Variants in RSPO2 observed in about 807,000 individuals in gnomAD.
The protein encoded by RSPO2 is R-spondin 2.
RSPO2 carries 14 observed loss-of-function variants against 30.9 expected under a neutral mutation model. The ratio of observed to expected loss-of-function variants is 0.45; its 90% CI spans 0.30 to 0.71. The LOEUF is 0.71. Ranked by LOEUF, RSPO2 falls within the 30% of genes least tolerant of loss-of-function variation. RSPO2 has a pLI of 0.08. For synonymous variants in RSPO2, 107 were observed against 96.4 expected (o/e 1.11, Z -0.64); for missense variants, 264 against 301.9 (o/e 0.87, Z 0.93).
chr8:107,943,218 C>G (rs550748890), intron 5 of RSPO2, among the ~76,000 whole-genome samples: 3 of 152,050 alleles, frequency 2.0e-5, no homozygotes, highest in Non-Finnish European at 4.4e-5. Flanking sequence ...TGCGTGCGTG[C>G]GCGCGCACAC....
chr8:107,906,783 TTTTAG>T (rs1811662425), intron 5 of RSPO2, among the ~76,000 whole-genome samples: 2 of 151,984 alleles, frequency 1.3e-5, no homozygotes, highest in South Asian at 4.1e-4. Context: ...AACACATTTA[TTTTAG>T]TTGACAAATA....
intron 2 of RSPO2, among the ~76,000 whole-genome samples, chr8:108,060,204 GAGA>G (rs1370349459): frequency 6.6e-5 from 10 of 151,818 alleles, no homozygotes; most frequent in East Asian, 3.9e-4. Flanking sequence ...GACTAGTTGA[GAGA>G]AGAAGGCTTC....
chr8:108,009,624 A>C (rs1310564682), intron 2 of RSPO2, among the ~76,000 whole-genome samples: 1 of 152,236 alleles, frequency 6.6e-6, no homozygotes. Flanking sequence ...CAAATGCTCA[A>C]GTGGAATTCA....
intron 2 of RSPO2, among the ~76,000 whole-genome samples, chr8:107,996,692 T>G (rs1171408599): frequency 6.6e-6 from 1 of 152,066 alleles, no homozygotes; most frequent in Non-Finnish European, 1.5e-5. Flanking sequence ...GTAAGAAGTA[T>G]AGAGAAAAGA....
intron 2 of RSPO2, among the ~76,000 whole-genome samples, chr8:108,071,890 A>G (rs895760158): frequency 1.3e-5 from 2 of 152,178 alleles, no homozygotes; most frequent in Non-Finnish European, 2.9e-5. Flanking sequence ...ATGTCTGTTT[A>G]GGTATGGTAA....
intron 3 of RSPO2, among the ~76,000 whole-genome samples, chr8:107,968,128 G>C (rs1813873643): frequency 6.6e-6 from 1 of 152,090 alleles, no homozygotes. Context: ...ATATATCAAA[G>C]AGATATCTTC....
At chr8:107,973,810 G>A (rs1215336173) in intron 3 of RSPO2, among the ~76,000 whole-genome samples, 1 of 151,858 alleles carries the variant, frequency 6.6e-6, no homozygotes, top group African/African-American at 2.4e-5. Flanking sequence ...CTTCCTGTTT[G>A]CTCTTTACTC....
intron 2 of RSPO2, among the ~76,000 whole-genome samples, chr8:108,003,307 ATATATTTTTTTTTTTTT>A (rs1240819471): frequency 1.6e-3 from 35 of 21,862 alleles, no homozygotes; most frequent in Admixed American, 3.5e-3. Flanking sequence ...ATATATATAT[ATATATTTTTTTTTTTTT>A]TTTTTTTTTT....
chr8:107,926,982 TG>T (rs1347187906), intron 5 of RSPO2, among the ~76,000 whole-genome samples: 1 of 152,162 alleles, frequency 6.6e-6, no homozygotes, highest in Non-Finnish European at 1.5e-5. Flanking sequence ...TAAATTACCT[TG>T]GGCAGTATGG....
At chr8:107,981,662 T>G (rs2130502579) in intron 3 of RSPO2, among the ~76,000 whole-genome samples, 1 of 152,244 alleles carries the variant, frequency 6.6e-6, no homozygotes, top group South Asian at 2.1e-4. Context: ...TTGGATTTTC[T>G]TATATGTTAA....
At chr8:108,004,667 A>C (rs79202940) in intron 2 of RSPO2, among the ~76,000 whole-genome samples, 1 of 152,204 alleles carries the variant, frequency 6.6e-6, no homozygotes, top group African/African-American at 2.4e-5. Flanking sequence ...TGGCAAAACT[A>C]TATGTGTATG....
At chr8:107,920,895 G>T (rs1012327388) in intron 5 of RSPO2, among the ~76,000 whole-genome samples, 1 of 152,070 alleles carries the variant, frequency 6.6e-6, no homozygotes, top group South Asian at 2.1e-4. Flanking sequence ...AAGTGTTCAC[G>T]TATACATCTG....
intron 2 of RSPO2, among the ~76,000 whole-genome samples, chr8:108,000,739 T>C (rs1004029641): frequency 3.9e-5 from 6 of 151,968 alleles, no homozygotes; most frequent in Non-Finnish European, 7.4e-5. Flanking sequence ...CGGTGGCTCA[T>C]GCCTGTAATC....
At chr8:108,063,195 G>C (rs1377218962) in intron 2 of RSPO2, among the ~76,000 whole-genome samples, 1 of 151,730 alleles carries the variant, frequency 6.6e-6, no homozygotes, top group Non-Finnish European at 1.5e-5. Flanking sequence ...AATCAGGCAG[G>C]AGAAGGAAAT....
intron 2 of RSPO2, chr8:108,081,919 C>T: frequency 1.0e-6 from 1 of 985,270 alleles, no homozygotes; most frequent in Non-Finnish European, 1.2e-6. Context: ...CTGCTTAATT[C>T]AGAAAGTTCC....
intron 2 of RSPO2, chr8:107,996,835 G>T: frequency 2.5e-6 from 1 of 406,260 alleles, no homozygotes; most frequent in Non-Finnish European, 4.9e-6. Flanking sequence ...TTTAAAAAAG[G>T]TATTATTAAA....
intron 5 of RSPO2, among the ~76,000 whole-genome samples, chr8:107,937,213 A>G (rs1165004017): frequency 1.4e-5 from 2 of 144,008 alleles, no homozygotes; most frequent in East Asian, 2.1e-4. Context: ...CTGCGTATGG[A>G]TTCTCAATTT....
At chr8:107,955,761 A>G (rs1283859432) in intron 5 of RSPO2, among the ~76,000 whole-genome samples, 1 of 152,186 alleles carries the variant, frequency 6.6e-6, no homozygotes, top group African/African-American at 2.4e-5. Context: ...AGTAATCAGA[A>G]GCAGCTGATT....
At chr8:107,928,182 CT>C (rs1812445108) in intron 5 of RSPO2, among the ~76,000 whole-genome samples, 1 of 152,122 alleles carries the variant, frequency 6.6e-6, no homozygotes, top group South Asian at 2.1e-4. Flanking sequence ...TCTGAACCCC[CT>C]TCTGTCGTTA....
Sources: gnomAD v4.1 joint callset for allele counts (sites outside exome capture counted in the v4.1 genomes callset) on GRCh38, gnomAD v4.1.1 for gene constraint, MANE v1.5 for transcripts, NCBI Gene and HGNC (gene_info 2026-07-23, HGNC 2026-07-21) for gene names.